RPS6KA2: variants seen among roughly 807,000 people sequenced by gnomAD.
RPS6KA2 encodes ribosomal protein S6 kinase alpha-2.
A neutral mutation model predicts 91.8 loss-of-function variants in RPS6KA2; 42 were observed. That is an observed-to-expected ratio of 0.46 (90% confidence interval 0.36 to 0.59). The LOEUF (loss-of-function observed/expected upper bound fraction) is 0.59, where lower values mean the gene tolerates loss of function less well. RPS6KA2 is among the 20% of genes least tolerant of loss of function. RPS6KA2 has a pLI of 0.00. For synonymous variants in RPS6KA2, 414 were observed against 393.6 expected, an observed-to-expected ratio of 1.05 and a Z score of -0.61; for missense variants, 798 against 978.5, an observed-to-expected ratio of 0.82 and a Z score of 2.46.
chr6:166,724,356 T>A (rs1402278438), intron 2 of RPS6KA2, among the ~76,000 whole-genome samples: 2 of 152,206 alleles, frequency 1.3e-5, no homozygotes, highest in African/African-American at 4.8e-5. Context: ...TGTTGTAGAC[T>A]GTGCCTTTAT....
At chr6:166,615,622 G>A (rs1397197669) in intron 1 of RPS6KA2, among the ~76,000 whole-genome samples, 5 of 152,146 alleles carry the variant, frequency 3.3e-5, no homozygotes, top group South Asian at 2.1e-4. Flanking sequence ...CCCACACACC[G>A]TGTGCTCGCT....
chr6:166,566,294 T>C (rs1164966255), intron 1 of RPS6KA2, among the ~76,000 whole-genome samples: 1 of 152,200 alleles, frequency 6.6e-6, no homozygotes, highest in Non-Finnish European at 1.5e-5. Context: ...AGAACATGCC[T>C]GGAAATCCCA....
chr6:166,498,785 A>C, intron 7 of RPS6KA2, 135 bp from the exon 8 acceptor site: 3 of 1,154,820 alleles, frequency 2.6e-6, no homozygotes, highest in Non-Finnish European at 3.7e-6. Context: ...TGCTCAGCAA[A>C]AGCGGGACCA....
At chr6:166,766,245 A>G (rs1460263619) in intron 2 of RPS6KA2, among the ~76,000 whole-genome samples, 1 of 152,258 alleles carries the variant, frequency 6.6e-6, no homozygotes, top group African/African-American at 2.4e-5. Flanking sequence ...GATATATTGA[A>G]TAACTTAAAT....
At chr6:166,823,443 GT>G (rs1406269887) in intron 2 of RPS6KA2, among the ~76,000 whole-genome samples, 2 of 110,508 alleles carry the variant, frequency 1.8e-5, no homozygotes, top group African/African-American at 5.8e-5. Context: ...CAGTGTGTGT[GT>G]GTGTGTGTGT....
At chr6:166,679,573 C>G (rs922735244) in intron 2 of RPS6KA2, among the ~76,000 whole-genome samples, 1 of 152,188 alleles carries the variant, frequency 6.6e-6, no homozygotes, top group Admixed American at 6.5e-5. Flanking sequence ...AGAGCTTGAA[C>G]GTGAAAGTGA....
At chr6:166,570,552 A>G (rs1395627023) in intron 1 of RPS6KA2, among the ~76,000 whole-genome samples, 1 of 152,262 alleles carries the variant, frequency 6.6e-6, no homozygotes. Flanking sequence ...AGAAATAGAA[A>G]TAAGAACTAC....
At chr6:166,833,565 A>G (rs1488200248) in intron 2 of RPS6KA2, among the ~76,000 whole-genome samples, 1 of 152,188 alleles carries the variant, frequency 6.6e-6, no homozygotes, top group Non-Finnish European at 1.5e-5. Flanking sequence ...TTCCTCCGGC[A>G]GCCCACACAT....
chr6:166,714,442 G>T (rs1019026477), intron 2 of RPS6KA2, among the ~76,000 whole-genome samples: 1 of 152,214 alleles, frequency 6.6e-6, no homozygotes, highest in South Asian at 2.1e-4. Flanking sequence ...AAGATGCGTT[G>T]ATGTCCTAAC....
chr6:166,765,956 A>G (rs970692255), intron 2 of RPS6KA2, among the ~76,000 whole-genome samples: 5 of 152,184 alleles, frequency 3.3e-5, no homozygotes, highest in African/African-American at 1.2e-4. Context: ...GGAACAAAAC[A>G]CTTCCCGCTT....
At chr6:166,526,341 C>CT (rs10616497) in intron 3 of RPS6KA2, among the ~76,000 whole-genome samples, 10,602 of 101,566 alleles carry the variant, frequency 0.1, 477 homozygotes, top group East Asian at 0.15. Context: ...GTTTATATGG[C>CT]TTTTTTTTTT....
intron 2 of RPS6KA2, among the ~76,000 whole-genome samples, chr6:166,675,075 C>T (rs1423520131): frequency 6.6e-6 from 1 of 152,242 alleles, no homozygotes; most frequent in African/African-American, 2.4e-5. Context: ...CTGTGGTTCT[C>T]AGGTTCTTCT....
chr6:166,420,071 G>T, intron 17 of RPS6KA2, 113 bp from the exon 18 acceptor site: 1 of 966,522 alleles, frequency 1.0e-6, no homozygotes. Flanking sequence ...GAGGAGGGCG[G>T]TGCCATGTCT....
Position 166,783,526 on chromosome 6 carries a change from T to C in RPS6KA2, c.123+74674A>G, listed in dbSNP as rs930587501. Among the ~76,000 whole-genome samples, 16 of 152,106 alleles carry C rather than the reference T, an allele frequency of 1.1e-4. 1 individual carries two copies. Among genetic ancestry groups the C allele is most frequent in the Admixed American group, 7.2e-4 (11 of 15,278 alleles). On this transcript the variant is annotated intron_variant, in intron 2 of 21. Coordinates refer to the RPS6KA2 transcript ENST00000503859. Reference sequence around the variant, plus strand: ...CTGTCTCTCTCTAGATAGACAGATATAGATACAAATGACATAGATATATGC... The same window carrying C: ...CTGTCTCTCTCTAGATAGACAGATACAGATACAAATGACATAGATATATGC...
chr6:166,720,527 T>C (rs1204707802), intron 2 of RPS6KA2, among the ~76,000 whole-genome samples: 1 of 152,020 alleles, frequency 6.6e-6, no homozygotes, highest in Non-Finnish European at 1.5e-5. Context: ...CACCTAGAAA[T>C]CTCTCCCCAA....
At chr6:166,480,505 A>G (rs1781167827) in intron 10 of RPS6KA2, among the ~76,000 whole-genome samples, 1 of 95,594 alleles carries the variant, frequency 1.0e-5, no homozygotes, top group East Asian at 4.5e-4. Flanking sequence ...ATATATATAT[A>G]TATATATATA....
At chr6:166,599,064 A>G (rs1201355516) in intron 1 of RPS6KA2, among the ~76,000 whole-genome samples, 1 of 152,260 alleles carries the variant, frequency 6.6e-6, no homozygotes, top group African/African-American at 2.4e-5. Context: ...CTAAGAAATA[A>G]TTAAAGAATC....
chr6:166,659,212 C>T (rs996373331), intron 2 of RPS6KA2, among the ~76,000 whole-genome samples: 5 of 152,148 alleles, frequency 3.3e-5, no homozygotes, highest in African/African-American at 1.2e-4. Flanking sequence ...ACAAAAAGTG[C>T]CATTTCCCAA....
At chr6:166,477,999 T>C (rs1421243051) in intron 10 of RPS6KA2, among the ~76,000 whole-genome samples, 2 of 152,218 alleles carry the variant, frequency 1.3e-5, no homozygotes, top group African/African-American at 2.4e-5. Flanking sequence ...TCATGTACGT[T>C]TGGATGAATA....
Sources: allele counts gnomAD v4.1 joint callset (sites outside exome capture counted in the v4.1 genomes callset), GRCh38; gene constraint gnomAD v4.1.1; transcripts MANE v1.5; gene names NCBI Gene and HGNC (gene_info 2026-07-23, HGNC 2026-07-21).